Variants in SEC24C observed in about 807,000 individuals in gnomAD.
SEC24C encodes SEC24 homolog C, COPII component.
SEC24C carries 22 observed loss-of-function variants against 117.0 expected under a neutral mutation model. The observed-to-expected ratio is 0.19, with a 90% CI of 0.13 to 0.27. SEC24C has a LOEUF of 0.27. Among genes scored for constraint, SEC24C ranks in the 10% least tolerant of loss-of-function variants. The pLI is 1.00. For synonymous variants in SEC24C, 506 were observed against 529.4 expected, an observed-to-expected ratio of 0.96 and a Z score of 0.61; for missense variants, 1,155 against 1,375.1, an observed-to-expected ratio of 0.84 and a Z score of 2.53.
Position 73,769,079 on chromosome 10 carries a change from A to C in SEC24C, c.2351A>C (p.Asp784Ala), listed in dbSNP as rs939933736. 1 of 1,614,076 alleles carries C rather than the reference A, an allele frequency of 6.2e-7. No homozygotes were observed. Among genetic ancestry groups the C allele is most frequent in the Non-Finnish European group, 8.5e-7 (1 of 1,180,046 alleles). The change falls in exon 17 of 23, where the codon GAT (aspartate) becomes GCT (alanine). Residue 784 changes from aspartate to alanine, a missense_variant. Asp to Ala is a moderately radical substitution (Grantham distance 126). Around this residue, in one of 2 missense-constraint regions of SEC24C, gnomAD observed 759 missense variants for 992.3 expected, o/e 0.76. Transcript: ENST00000345254. This position sits in a 1 kb window ranked among gnomAD's most constrained non-coding sequence, Gnocchi z 4.5. ...ACAGATGTGGAGCTGGCTGGGCTAGATGGGGACAAAACAGTGACTGTGGAG... is the reference window on the plus strand; with the variant it reads ...ACAGATGTGGAGCTGGCTGGGCTAGCTGGGGACAAAACAGTGACTGTGGAG... ...NTTDVELAGLDGDKTVTVEFK... is the reference protein window; with the variant it reads ...NTTDVELAGLAGDKTVTVEFK...
intron 3 of SEC24C, among the ~76,000 whole-genome samples, chr10:73,755,386 C>CA (rs1195953661): frequency 6.6e-6 from 1 of 151,904 alleles, no homozygotes; most frequent in African/African-American, 2.4e-5. Context: ...TGGAGTGAGT[C>CA]AGAGTTTCAG....
chr10:73,762,198 C>T, intron 6 of SEC24C: 1 of 1,276,910 alleles, frequency 7.8e-7, no homozygotes. Context: ...TTGTGCATGT[C>T]ATTCCTGTGT....
At chr10:73,745,887 C>A (rs1313368525) in intron 1 of SEC24C, among the ~76,000 whole-genome samples, 2 of 151,382 alleles carry the variant, frequency 1.3e-5, no homozygotes, top group Non-Finnish European at 2.9e-5. Context: ...TTTGGCCGGG[C>A]GTGGTGGCTC....
At position 73,771,338 on chromosome 10, in the gene SEC24C, T is replaced by G. The variant is rs2082979725; in HGVS notation, c.*243T>G. 3.9e-6 allele frequency: 2 copies of G among 518,348 alleles called. No homozygotes were observed. Among genetic ancestry groups the G allele is most frequent in the African/African-American group, 3.8e-5 (2 of 52,122 alleles). The allele number at this position is 518,348 out of a possible 1,614,324, so 32.1% of individuals were successfully genotyped here. On this transcript the variant is annotated 3_prime_UTR_variant, in exon 23 of 23. Transcript: ENST00000345254. ...CTTTTTCCTGCTAATCCTGTCATAA[T>G]GAATGTAGCTTCTCAGTTCACTGTA...
At chr10:73,767,290 C>G in intron 14 of SEC24C, 120 bp downstream of exon 14, 1 of 660,830 alleles carries the variant, frequency 1.5e-6, no homozygotes, top group Non-Finnish European at 2.7e-6. Flanking sequence ...ATATCTGTGA[C>G]TGCCAACCTC....
chr10:73,760,276 T>A lies in SEC24C; in HGVS notation c.740T>A (p.Val247Glu). Residue 247 changes from valine (V) to glutamate (E), a missense_variant, in exon 5 of 23, where the codon GTG becomes GAG. Val to Glu is a moderately radical substitution (Grantham distance 121). Around this residue, in one of 2 missense-constraint regions of SEC24C, gnomAD observed 396 missense variants for 382.8 expected, o/e 1.03. Transcript: ENST00000345254. ...CCCTCAGTGAGCCAGCCCAACCATG[T>A]GTCTTCACCTCCTCAAGCTCTGCCC... ...GGPSVSQPNH[V>E]SSPPQALPPG... 1 of 1,614,046 alleles carries A rather than the reference T, an allele frequency of 6.2e-7. No homozygotes were observed. The highest frequency in any genetic ancestry group is 8.5e-7 in the Non-Finnish European group (1 of 1,180,010).
In SEC24C at chr10:73,766,789, C is replaced by T; in HGVS notation, c.1829C>T (p.Ala610Val). The change falls in exon 13 of 23, where the codon GCA (alanine) becomes GTA (valine). Residue 610 changes from alanine (A) to valine (V), a missense_variant. Coordinates refer to ENST00000345254, the MANE Select transcript of SEC24C (RefSeq NM_198597.3). The part of the protein sequence containing the change: ...SLLDQIPEMF[A>V]DTRETETVFV... ...TTGGATCAGATTCCAGAAATGTTTG[C>T]AGACACAAGGGAAACAGAGACAGTA... 1 of 1,614,094 alleles carries T rather than the reference C, an allele frequency of 6.2e-7. No homozygotes were observed. Among genetic ancestry groups the T allele is most frequent in the Non-Finnish European group, 8.5e-7 (1 of 1,179,982 alleles).
intron 12 of SEC24C, 46 bp downstream of exon 12, chr10:73,766,587 C>A: frequency 1.9e-6 from 3 of 1,564,766 alleles, no homozygotes; most frequent in Non-Finnish European, 1.7e-6. Flanking sequence ...GGCATGGGTA[C>A]CACCATAGAA....
chr10:73,766,621 T>C (rs2082887961), intron 12 of SEC24C, 80 bp downstream of exon 12: 2 of 1,495,716 alleles, frequency 1.3e-6, no homozygotes, highest in African/African-American at 1.4e-5. Context: ...AACAGAGGTA[T>C]TGGACAGTAG....
At chr10:73,759,547 A>G in intron 3 of SEC24C, 75 bp from the exon 4 acceptor site, 4 of 1,159,400 alleles carry the variant, frequency 3.5e-6, no homozygotes, top group Non-Finnish European at 4.6e-6. Context: ...AGCTTCCTGT[A>G]TGATGTGACA....
At chr10:73,758,736 G>A (rs1006516033) in intron 3 of SEC24C, among the ~76,000 whole-genome samples, 15 of 152,122 alleles carry the variant, frequency 9.9e-5, no homozygotes, top group Admixed American at 6.6e-4. Flanking sequence ...GTGTATATTA[G>A]TACTCCATTC....
rs759767716 is a variant in SEC24C at position 73,769,168 on chromosome 10, C to T, written c.2424+16C>T. ...TCTCCTGCAGGTGGCAGGCGGGAGG[C>T]GGGGCTGGGCAGGAAGTGTTTCATT... is the stretch of plus-strand genomic sequence containing the variant. On this transcript the variant is annotated intron_variant, in intron 17 of 22. Coordinates refer to ENST00000345254, the MANE Select transcript of SEC24C (RefSeq NM_198597.3). This position sits in a 1 kb window ranked among gnomAD's most constrained non-coding sequence, Gnocchi z 4.5. The T allele has an allele frequency of 1.7e-5, 27 of 1,613,196 alleles. No individual in the cohort carries two copies. Among genetic ancestry groups the T allele is most frequent in the Admixed American group, 6.7e-5 (4 of 59,836 alleles).
In SEC24C at chr10:73,760,349, C is replaced by T; in HGVS notation, c.813C>T (p.His271=). 8 of 1,605,740 alleles carry T rather than the reference C, an allele frequency of 5.0e-6. No homozygotes were observed. Among genetic ancestry groups the T allele is most frequent in the Middle Eastern group, 3.3e-4 (2 of 6,048 alleles). ...TGPLGPLPPM[H]SPQQPGYQPQ... ...CCCTGGGACCACTGCCACCTATGCA[C>T]TCCCCGCAGCAGCCAGGCTATCAGC... is the stretch of plus-strand genomic sequence containing the variant. Residue 271 remains histidine (H), a synonymous_variant, in exon 5 of 23, where the codon CAC becomes CAT. Transcript: ENST00000345254.
chr10:73,765,000 T>C (rs2082859177), intron 8 of SEC24C, among the ~76,000 whole-genome samples: 1 of 152,198 alleles, frequency 6.6e-6, no homozygotes, highest in Non-Finnish European at 1.5e-5. Flanking sequence ...GCCTGGGGCA[T>C]CAGTAACTGG....
Position 73,746,878 on chromosome 10 carries a change from C to G in SEC24C, c.46C>G (p.Pro16Ala). 1 of 1,613,488 alleles carries G rather than the reference C, an allele frequency of 6.2e-7. No homozygotes were observed. Among genetic ancestry groups the G allele is most frequent in the Non-Finnish European group, 8.5e-7 (1 of 1,179,716 alleles). ...SVPPVPPFGQ[P>A]QPIYPGYHQS... is the part of the protein sequence containing the mutation. ...TCCACCTGTGCCACCATTTGGGCAG[C>G]CCCAGCCCATCTACCCAGGGTATCA... Residue 16 changes from proline (P) to alanine (A), a missense_variant, in exon 2 of 23, where the codon CCC (proline) becomes GCC (alanine). By Grantham distance (27) the Pro-to-Ala change is conservative. This residue lies in a region of SEC24C where 396 missense variants were observed against 382.8 expected (regional missense o/e 1.03). Coordinates refer to ENST00000345254, the MANE Select transcript of SEC24C (RefSeq NM_198597.3).
At chr10:73,760,964 T>A in intron 6 of SEC24C, 115 bp downstream of exon 6, 1 of 1,207,286 alleles carries the variant, frequency 8.3e-7, no homozygotes, top group African/African-American at 1.5e-5. Context: ...TTTGTTCATC[T>A]TCTTGGAGAA....
Position 73,760,341 on chromosome 10 carries a change from C to T in SEC24C, c.805C>T (p.Pro269Ser). The T allele has an allele frequency of 6.2e-7, 1 of 1,609,110 alleles. No homozygotes were observed. The highest frequency in any genetic ancestry group is 1.7e-5 in the Admixed American group (1 of 60,000). ...QMTGPLGPLPPMHSPQQPGYQ... is the reference protein window; with the variant it reads ...QMTGPLGPLPSMHSPQQPGYQ... ...GACTGGGCCCCTGGGACCACTGCCA[C>T]CTATGCACTCCCCGCAGCAGCCAGG... is the stretch of plus-strand genomic sequence containing the variant. Residue 269 changes from proline (P) to serine (S), a missense_variant, in exon 5 of 23, where the codon CCT (proline) becomes TCT (serine). Physicochemically the swap from Pro to Ser is moderately conservative, Grantham distance 74. Coordinates refer to ENST00000345254, the MANE Select transcript of SEC24C (RefSeq NM_198597.3).
rs1221516681 is a variant in SEC24C, at chr10:73,770,289, C to T, written c.2872C>T (p.Pro958Ser). ...YPRLLPLTKS[P>S]VESTTEPPAV... ...CCTTCCTTTTGTCTAGACAAAGTCTCCCGTTGAGAGTACTACCGAACCACC... is the reference window on the plus strand; with the variant it reads ...CCTTCCTTTTGTCTAGACAAAGTCTTCCGTTGAGAGTACTACCGAACCACC... The change falls in exon 21 of 23, where the codon CCC (proline) becomes TCC (serine). Residue 958 changes from proline to serine, a missense_variant. Around this residue, in one of 2 missense-constraint regions of SEC24C, gnomAD observed 759 missense variants for 992.3 expected, o/e 0.76. Coordinates refer to ENST00000345254, the MANE Select transcript of SEC24C (RefSeq NM_198597.3). The T allele has an allele frequency of 1.9e-6, 3 of 1,606,728 alleles. No individual in the cohort carries two copies. Among genetic ancestry groups the T allele is most frequent in the Admixed American group, 1.7e-5 (1 of 58,656 alleles).
chr10:73,767,439 C>T lies in SEC24C; in HGVS notation c.2010+269C>T, dbSNP rs4746146. Among the ~76,000 whole-genome samples the T allele has an allele frequency of 0.14, 20,879 of 152,106 alleles. 1,497 individuals are homozygous for T. The highest frequency in any genetic ancestry group is 0.19 in the South Asian group (940 of 4,822). Reference sequence around the variant, plus strand: ...ATCCGAGCGCTTTGGGAGGCCAAGGCGGGCAGATTTTTGAGGCCAGAAGTT... The same window carrying T: ...ATCCGAGCGCTTTGGGAGGCCAAGGTGGGCAGATTTTTGAGGCCAGAAGTT... On this transcript the variant is annotated intron_variant, in intron 14 of 22. Coordinates refer to ENST00000345254, the MANE Select transcript of SEC24C (RefSeq NM_198597.3).
Sources: gnomAD v4.1 joint callset for allele counts (sites outside exome capture counted in the v4.1 genomes callset) on GRCh38, gnomAD v4.1.1 for gene constraint, gnomAD v4.1.1 regional missense constraint, Gnocchi (gnomAD v3.1) non-coding constraint, MANE v1.5 for transcripts, NCBI Gene and HGNC (gene_info 2026-07-23, HGNC 2026-07-21) for gene names.